The following POR variants were observed in gnomAD, a reference collection of about 807,000 sequenced individuals.
POR encodes cytochrome p450 oxidoreductase, also known as NADPH--cytochrome P450 reductase.
In POR, 56 loss-of-function variants were observed where a neutral mutation model predicts 84.0. The observed-to-expected ratio is 0.67, with a 90% CI of 0.54 to 0.83. The LOEUF (loss-of-function observed/expected upper bound fraction) is 0.83, where lower values mean the gene tolerates loss of function less well. Ranked by LOEUF, POR falls within the 40% of genes least tolerant of loss-of-function variation. The probability of loss-of-function intolerance (pLI) is 0.00; values close to 1 mark genes in which losing one functional copy is unlikely to be tolerated. For missense variants in POR, 938 were observed against 944.3 expected (o/e 0.99, Z 0.09); for synonymous variants, 414 against 400.5 (o/e 1.03, Z -0.40).
chr7:75,940,062 C>T (rs1807899305), intron 1 of POR, among the ~76,000 whole-genome samples: 1 of 151,738 alleles, frequency 6.6e-6, no homozygotes, highest in Non-Finnish European at 1.5e-5. Flanking sequence ...ACGCTCCCCA[C>T]CTCTTTACTC....
chr7:75,944,332 G>A (rs1213229301), intron 1 of POR, among the ~76,000 whole-genome samples: 1 of 152,158 alleles, frequency 6.6e-6, no homozygotes, highest in East Asian at 1.9e-4. Flanking sequence ...TTTGAGACCA[G>A]CCCCAGCAAC....
intron 1 of POR, among the ~76,000 whole-genome samples, chr7:75,952,742 C>G (rs1313579459): frequency 2.0e-5 from 3 of 151,590 alleles, no homozygotes; most frequent in Non-Finnish European, 4.4e-5. Context: ...GGCAGAGACG[C>G]TCCTCACTTC....
chr7:75,972,508 G>T, intron 3 of POR, 47 bp downstream of exon 3: 1 of 1,514,500 alleles, frequency 6.6e-7, no homozygotes, highest in South Asian at 1.2e-5. Context: ...CCTCGGCCCC[G>T]ATGGGCATGT....
chr7:75,985,259 C>T (rs1407113751), intron 12 of POR, 52 bp downstream of exon 12: 7 of 1,521,130 alleles, frequency 4.6e-6, no homozygotes, highest in Admixed American at 1.9e-5. Flanking sequence ...CAGCCCTGCT[C>T]ACAGCAGGCA....
chr7:75,952,822 C>T (rs1554553104), intron 1 of POR, among the ~76,000 whole-genome samples: 1 of 151,438 alleles, frequency 6.6e-6, no homozygotes, highest in Non-Finnish European at 1.5e-5. Context: ...GGCAGAGACG[C>T]TCCTCACTTT....
chr7:75,959,972 A>G (rs1787864000), intron 2 of POR, among the ~76,000 whole-genome samples: 1 of 152,062 alleles, frequency 6.6e-6, no homozygotes, highest in Non-Finnish European at 1.5e-5. Context: ...CTTTTTCATA[A>G]TAATAGTAGC....
At chr7:75,966,390 T>A (rs142292186) in intron 2 of POR, among the ~76,000 whole-genome samples, 2 of 152,184 alleles carry the variant, frequency 1.3e-5, no homozygotes, top group Admixed American at 6.5e-5. Context: ...ATTAGCCCCA[T>A]GCCACAAGGC....
At position 75,986,813 on chromosome 7, in the gene POR, T is replaced by TTAAA. The variant is rs1268868304; in HGVS notation, c.*336_*339dup. ...TGATTTCCAGTGAGTGTAAATAATT[T>TTAAA]TAAATAACCTCTGGCCCTTGGAATA... On this transcript the variant is annotated 3_prime_UTR_variant, in exon 16 of 16. Coordinates refer to ENST00000461988, the MANE Select transcript of POR (RefSeq NM_000941.3). 7.0e-6 allele frequency: 4 copies of TTAAA among 573,480 alleles called. No homozygotes were observed. Among genetic ancestry groups the TTAAA allele is most frequent in the Middle Eastern group, 4.5e-4 (1 of 2,226 alleles). 35.5% of individuals were successfully genotyped at this position (573,480 alleles called of 1,614,324 possible).
intron 5 of POR, 128 bp from the exon 6 acceptor site, chr7:75,980,920 G>A (rs1285702283): frequency 1.5e-5 from 18 of 1,230,986 alleles, no homozygotes; most frequent in Non-Finnish European, 2.0e-5. Context: ...GGCGCCTGGT[G>A]GAACGGAGGC....
chr7:75,966,340 A>C (rs1224820687), intron 2 of POR, among the ~76,000 whole-genome samples: 1 of 152,168 alleles, frequency 6.6e-6, no homozygotes, highest in Non-Finnish European at 1.5e-5. Context: ...AGCTCCAGCA[A>C]ACCACTTTCT....
intron 1 of POR, among the ~76,000 whole-genome samples, chr7:75,936,920 G>A (rs1157267978): frequency 6.8e-5 from 10 of 147,742 alleles, no homozygotes; most frequent in South Asian, 2.2e-4. Context: ...TCCACCTCCC[G>A]GGTTCATGCC....
chr7:75,982,141 C>T (rs534040616), intron 7 of POR, 83 bp from the exon 8 acceptor site: 170 of 1,018,030 alleles, frequency 1.7e-4, no homozygotes, highest in Middle Eastern at 4.0e-4. Context: ...AGGCCATGCA[C>T]GGTCTCCCCT....
At chr7:75,960,292 A>AAATAATAATAAT (rs142864869) in intron 2 of POR, among the ~76,000 whole-genome samples, 3 of 149,010 alleles carry the variant, frequency 2.0e-5, no homozygotes, top group African/African-American at 7.4e-5. Flanking sequence ...CCCCCTCTCA[A>AAATAATAATAAT]AATAATAATA....
At chr7:75,927,923 C>T (rs998538360) in intron 1 of POR, among the ~76,000 whole-genome samples, 21 of 149,460 alleles carry the variant, frequency 1.4e-4, no homozygotes, top group African/African-American at 4.4e-4. Flanking sequence ...TTGCCCTCCT[C>T]GGCCTGAGGC....
At chr7:75,933,379 T>G (rs1032363483) in intron 1 of POR, among the ~76,000 whole-genome samples, 8 of 82,846 alleles carry the variant, frequency 9.7e-5, no homozygotes, top group Non-Finnish European at 1.6e-4. Context: ...GGTCTTTGTT[T>G]TTTTTTTTTT....
At chr7:75,968,756 T>A (rs1450292294) in intron 2 of POR, among the ~76,000 whole-genome samples, 3 of 152,170 alleles carry the variant, frequency 2.0e-5, no homozygotes, top group Non-Finnish European at 4.4e-5. Context: ...ACCCTAGCCT[T>A]GGGGCAGAGC....
At chr7:75,963,095 C>T (rs1472362152) in intron 2 of POR, among the ~76,000 whole-genome samples, 1 of 152,206 alleles carries the variant, frequency 6.6e-6, no homozygotes, top group Non-Finnish European at 1.5e-5. Flanking sequence ...GGGCTGCCAG[C>T]ATCACGTGTC....
At position 75,986,067 on chromosome 7, in the gene POR, A is replaced by G; in HGVS notation, c.1814A>G (p.Lys605Arg). Reference sequence around the variant, plus strand: ...GCCTTCTCCCGGGAGCAGTCCCACAAGGTGAGACGGGCGGGCACCCACGAA... The same window carrying G: ...GCCTTCTCCCGGGAGCAGTCCCACAGGGTGAGACGGGCGGGCACCCACGAA... The change falls in exon 14 of 16, where the codon AAG becomes AGG. Residue 605 changes from lysine (K) to arginine (R), a missense_variant and splice_region_variant. Coordinates refer to ENST00000461988, the MANE Select transcript of POR (RefSeq NM_000941.3). 1 of 1,562,718 alleles carries G rather than the reference A, an allele frequency of 6.4e-7. No homozygotes were observed. Among genetic ancestry groups the G allele is most frequent in the African/African-American group, 1.4e-5 (1 of 73,674 alleles).
intron 2 of POR, 41 bp downstream of exon 2, chr7:75,954,221 T>C (rs1554553423): frequency 6.5e-7 from 1 of 1,545,966 alleles, no homozygotes; most frequent in Admixed American, 1.8e-5. Context: ...GTCCCTCTTC[T>C]GTCACCACTC....
Sources: gnomAD v4.1 joint callset for allele counts (sites outside exome capture counted in the v4.1 genomes callset) on GRCh38, gnomAD v4.1.1 for gene constraint, MANE v1.5 for transcripts, NCBI Gene and HGNC (gene_info 2026-07-23, HGNC 2026-07-21) for gene names.